Variants in COL24A1 observed in about 807,000 individuals in gnomAD.
The protein encoded by COL24A1 is collagen alpha-1(XXIV) chain.
A neutral mutation model predicts 253.9 loss-of-function variants in COL24A1; 224 were observed. That is an observed-to-expected ratio of 0.88 (90% CI 0.79 to 0.99). The LOEUF (loss-of-function observed/expected upper bound fraction) is 0.99, where lower values mean the gene tolerates loss of function less well. Ranked by LOEUF, COL24A1 falls within the 50% of genes least tolerant of loss-of-function variation. The probability of loss-of-function intolerance (pLI) is 0.00; values close to 1 mark genes in which losing one functional copy is unlikely to be tolerated. For missense variants in COL24A1, 2,131 were observed against 2,068.5 expected, an observed-to-expected ratio of 1.03 and a Z score of -0.59; for synonymous variants, 685 against 673.7, an observed-to-expected ratio of 1.02 and a Z score of -0.26.
At chr1:86,057,215 C>G (rs959070751) in intron 10 of COL24A1, among the ~76,000 whole-genome samples, 2 of 152,090 alleles carry the variant, frequency 1.3e-5, no homozygotes, top group Non-Finnish European at 2.9e-5. Context: ...TTCTCTCTTA[C>G]TCCCACTCTC....
In COL24A1 at chr1:85,889,616, G is replaced by A. The variant is rs781117142; in HGVS notation, c.2923-3C>T. On this transcript the variant is annotated splice_polypyrimidine_tract_variant and splice_region_variant and intron_variant, in intron 31 of 59. Transcript: ENST00000370571. The stretch of plus-strand genomic sequence containing the variant: ...CTTCCAGGCAATCCCTGTAAACCCT[G>A]GACAAATAAAGGCAATACTTGTAGG... The A allele has an allele frequency of 1.2e-6, 2 of 1,612,514 alleles. No individual in the cohort carries two copies. Among genetic ancestry groups the A allele is most frequent in the African/African-American group, 2.7e-5 (2 of 74,802 alleles).
chr1:85,979,881 A>G (rs986734592), intron 20 of COL24A1, among the ~76,000 whole-genome samples: 1 of 152,084 alleles, frequency 6.6e-6, no homozygotes, highest in Admixed American at 6.6e-5. Context: ...AGGACATAAC[A>G]AAAAAGAGAA....
At chr1:85,994,506 G>A (rs1276144785) in intron 19 of COL24A1, among the ~76,000 whole-genome samples, 1 of 151,702 alleles carries the variant, frequency 6.6e-6, no homozygotes, top group Admixed American at 6.6e-5. Flanking sequence ...GAGAGGTTTT[G>A]TAAGAGGATA....
At chr1:85,746,684 G>A (rs996995409) in intron 55 of COL24A1, among the ~76,000 whole-genome samples, 1 of 152,170 alleles carries the variant, frequency 6.6e-6, no homozygotes, top group Non-Finnish European at 1.5e-5. Context: ...GATGTCCAAA[G>A]AATAAATAAG....
intron 19 of COL24A1, among the ~76,000 whole-genome samples, chr1:86,012,725 T>C (rs924570270): frequency 1.6e-5 from 2 of 127,926 alleles, no homozygotes; most frequent in Admixed American, 8.0e-5. Flanking sequence ...CTCTGCCCTA[T>C]TTAAAGCCTC....
In COL24A1 at chr1:85,976,523, C is replaced by T. The variant is rs12563426; in HGVS notation, c.2365-5130G>A. ...CTGAGCTCAGACTGGCGTAACCCTGCTCCCACCTGATGGTACTTCTCTACC... is the reference window on the plus strand; with the variant it reads ...CTGAGCTCAGACTGGCGTAACCCTGTTCCCACCTGATGGTACTTCTCTACC... On this transcript the variant is annotated intron_variant, in intron 20 of 59. Coordinates refer to ENST00000370571, the MANE Select transcript of COL24A1 (RefSeq NM_152890.7). Among the ~76,000 whole-genome samples, 1,145 of 152,246 alleles carry T rather than the reference C, an allele frequency of 7.5e-3. 29 individuals are homozygous for T. Among genetic ancestry groups the T allele is most frequent in the East Asian group, 0.052 (267 of 5,154 alleles).
chr1:85,999,860 C>A (rs534997411), intron 19 of COL24A1, among the ~76,000 whole-genome samples: 1 of 152,208 alleles, frequency 6.6e-6, no homozygotes, highest in Admixed American at 6.5e-5. Context: ...CATAGTTTTT[C>A]ACAACACAAG....
intron 14 of COL24A1, among the ~76,000 whole-genome samples, chr1:86,027,149 T>C (rs1559051307): frequency 6.6e-6 from 1 of 152,126 alleles, no homozygotes; most frequent in African/African-American, 2.4e-5. Context: ...GGAACTTATG[T>C]TTAAAAGGGA....
intron 47 of COL24A1, among the ~76,000 whole-genome samples, chr1:85,794,146 C>T (rs1049962863): frequency 6.6e-6 from 1 of 152,028 alleles, no homozygotes; most frequent in Non-Finnish European, 1.5e-5. Context: ...AGCCTCTTAT[C>T]TCCAGATATT....
At chr1:86,016,893 TA>T (rs1646706677) in intron 19 of COL24A1, among the ~76,000 whole-genome samples, 1 of 152,206 alleles carries the variant, frequency 6.6e-6, no homozygotes, top group Admixed American at 6.5e-5. Flanking sequence ...TACTTGTTAT[TA>T]ATAGCTGTGC....
At position 85,971,392 on chromosome 1, in the gene COL24A1, C is replaced by T. The variant is rs759363774; in HGVS notation, c.2366G>A (p.Gly789Glu). 4 of 1,609,936 alleles carry T rather than the reference C, an allele frequency of 2.5e-6. No homozygotes were observed. The African/African-American group carries it at 4.0e-5, about 16-fold the overall frequency. Reference protein sequence around the residue: ...PGQNGPEGPKGLLGNRGPPGP... With the variant: ...PGQNGPEGPKELLGNRGPPGP... Reference sequence around the variant, plus strand: ...AGGAGGTCCTCTATTTCCAAGGAGTCCCTATAAAAGCAATATAAATGCACA... The same window carrying T: ...AGGAGGTCCTCTATTTCCAAGGAGTTCCTATAAAAGCAATATAAATGCACA... The change falls in exon 21 of 60, where the codon GGA becomes GAA. Residue 789 changes from glycine (G) to glutamate (E), a missense_variant and splice_region_variant. By Grantham distance (98) the Gly-to-Glu change is moderately conservative. Transcript: ENST00000370571.
At chr1:85,840,796 G>T (rs760905487) in intron 42 of COL24A1, among the ~76,000 whole-genome samples, 5 of 152,034 alleles carry the variant, frequency 3.3e-5, no homozygotes, top group Admixed American at 3.3e-4. Context: ...CCTTAGAGGG[G>T]TTTTGAAATC....
intron 10 of COL24A1, among the ~76,000 whole-genome samples, chr1:86,053,604 T>C (rs1012511121): frequency 6.6e-6 from 1 of 152,018 alleles, no homozygotes; most frequent in Non-Finnish European, 1.5e-5. Flanking sequence ...AGGTTGTAGA[T>C]CCAGTTAGAA....
intron 24 of COL24A1, 56 bp from the exon 25 acceptor site, chr1:85,911,489 G>T: frequency 2.2e-6 from 3 of 1,346,994 alleles, no homozygotes; most frequent in Non-Finnish European, 3.2e-6. Flanking sequence ...CTATTGTAGT[G>T]CCTGGGTCTT....
intron 19 of COL24A1, among the ~76,000 whole-genome samples, chr1:85,999,526 G>T (rs1371123531): frequency 6.6e-6 from 1 of 152,080 alleles, no homozygotes; most frequent in Non-Finnish European, 1.5e-5. Flanking sequence ...GAGACGTTGA[G>T]GTGGGAGGAC....
At chr1:85,784,981 T>C (rs1305468336) in intron 48 of COL24A1, among the ~76,000 whole-genome samples, 3 of 152,118 alleles carry the variant, frequency 2.0e-5, no homozygotes, top group Non-Finnish European at 2.9e-5. Context: ...TCCTCCTGCA[T>C]TAGCCTCCCA....
intron 24 of COL24A1, among the ~76,000 whole-genome samples, chr1:85,956,543 A>G (rs540829658): frequency 3.2e-4 from 49 of 152,346 alleles, no homozygotes; most frequent in African/African-American, 1.1e-3. Flanking sequence ...TAAGTAAAGG[A>G]ATAATTGTGG....
At chr1:85,959,952 T>C (rs1396470766) in intron 24 of COL24A1, among the ~76,000 whole-genome samples, 1 of 152,154 alleles carries the variant, frequency 6.6e-6, no homozygotes, top group Non-Finnish European at 1.5e-5. Context: ...TACAATCATA[T>C]TTGACTAGAA....
At chr1:86,016,644 G>C (rs570476411) in intron 19 of COL24A1, among the ~76,000 whole-genome samples, 47 of 152,218 alleles carry the variant, frequency 3.1e-4, no homozygotes, top group African/African-American at 1.1e-3. Context: ...TATCTCAGAA[G>C]CTTATGTTCT....
Sources: gnomAD v4.1 joint callset for allele counts (sites outside exome capture counted in the v4.1 genomes callset) on GRCh38, gnomAD v4.1.1 for gene constraint, MANE v1.5 for transcripts, NCBI Gene and HGNC (gene_info 2026-07-23, HGNC 2026-07-21) for gene names.